OPRM1: variants seen among roughly 807,000 people sequenced by gnomAD.
OPRM1 encodes opioid receptor mu 1, also known as mu-type opioid receptor.
In OPRM1, 27 loss-of-function variants were observed where a neutral mutation model predicts 31.8. The ratio of observed to expected loss-of-function variants is 0.85; its 90% confidence interval spans 0.63 to 1.17. The LOEUF is 1.17. OPRM1 is among the 50% of genes most tolerant of loss of function. The pLI, the probability that OPRM1 is intolerant of heterozygous loss-of-function variation, is 0.00. For missense variants in OPRM1, 536 were observed against 511.1 expected, an observed-to-expected ratio of 1.05 and a Z score of -0.47; for synonymous variants, 196 against 189.9, an observed-to-expected ratio of 1.03 and a Z score of -0.26.
At chr6:154,036,477 A>G (rs577754165), upstream of OPRM1, among the ~76,000 whole-genome samples, 2 of 152,182 alleles carry the variant, frequency 1.3e-5, no homozygotes, top group Non-Finnish European at 2.9e-5. Flanking sequence ...CCTGCTCTAG[A>G]GAGTAATTGC....
At chr6:154,030,602 T>A (rs1004969415) in intron 1 of OPRM1, among the ~76,000 whole-genome samples, 1 of 151,850 alleles carries the variant, frequency 6.6e-6, no homozygotes, top group African/African-American at 2.4e-5. Flanking sequence ...AGCAAATTAA[T>A]TTTTAGTACA....
intron 3 of OPRM1, among the ~76,000 whole-genome samples, chr6:154,152,360 G>GAAAAGA (rs1445954466): frequency 1.4e-5 from 2 of 145,632 alleles, no homozygotes; most frequent in Non-Finnish European, 3.0e-5. Context: ...AAGAAAGAAA[G>GAAAAGA]AAAGAAAGAA....
downstream of OPRM1, among the ~76,000 whole-genome samples, chr6:154,135,484 GATAGATATAGAT>G (rs58196022): frequency 0.043 from 6,198 of 144,408 alleles, 333 homozygotes; most frequent in Admixed American, 0.15. Flanking sequence ...AAAATATATA[GATAGATATAGAT>G]ATAGATATAG....
chr6:154,169,962 T>A (rs1172038585), intron 3 of OPRM1, among the ~76,000 whole-genome samples: 1 of 152,184 alleles, frequency 6.6e-6, no homozygotes, highest in Non-Finnish European at 1.5e-5. Context: ...AATAATGATA[T>A]GGAAGCCAAC....
intron 1 of OPRM1, among the ~76,000 whole-genome samples, chr6:154,041,229 A>G (rs1042260577): frequency 8.6e-4 from 131 of 152,310 alleles, no homozygotes; most frequent in African/African-American, 3.0e-3. Context: ...TCTTTTGATG[A>G]GGAATAAGAT....
rs920735465 is a variant in OPRM1 at position 154,125,266 on chromosome 6, T to C, written c.*6545T>C. Among the ~76,000 whole-genome samples, 2 of 152,244 alleles carry C rather than the reference T, an allele frequency of 1.3e-5. No homozygotes were observed. Among genetic ancestry groups the C allele is most frequent in the African/African-American group, 2.4e-5 (1 of 41,464 alleles). On this transcript the variant is annotated 3_prime_UTR_variant, in exon 4 of 4. Coordinates refer to ENST00000330432, the MANE Select transcript of OPRM1 (RefSeq NM_000914.5). ...AAGGGGCTACTGACAATTTTGATGG[T>C]ACCTGAATTTGCCTCTATCATGCAT...
At chr6:154,078,997 G>A (rs1344014223) in intron 1 of OPRM1, among the ~76,000 whole-genome samples, 3 of 152,200 alleles carry the variant, frequency 2.0e-5, no homozygotes, top group African/African-American at 7.2e-5. Flanking sequence ...GAGAGGAAGA[G>A]AGGAGAGAGG....
chr6:154,059,792 T>C (rs545810335), intron 1 of OPRM1, among the ~76,000 whole-genome samples: 1 of 152,240 alleles, frequency 6.6e-6, no homozygotes, highest in Non-Finnish European at 1.5e-5. Flanking sequence ...ATTTCAGCCC[T>C]TTGTGTCTCA....
intron 1 of OPRM1, chr6:154,083,678 C>T (rs1473639588): frequency 6.6e-6 from 1 of 152,506 alleles, no homozygotes; most frequent in Non-Finnish European, 1.5e-5. Context: ...TGCGATGGCT[C>T]ACGCCTGTAA....
At chr6:154,029,017 G>A (rs1021518393) in intron 1 of OPRM1, among the ~76,000 whole-genome samples, 3 of 152,116 alleles carry the variant, frequency 2.0e-5, no homozygotes, top group Non-Finnish European at 4.4e-5. Flanking sequence ...GACAATTGCT[G>A]GAGCCTTTTA....
chr6:154,073,027 ACTC>A (rs1787128917), intron 1 of OPRM1, among the ~76,000 whole-genome samples: 1 of 152,156 alleles, frequency 6.6e-6, no homozygotes, highest in African/African-American at 2.4e-5. Context: ...TAGCTAAGTC[ACTC>A]CTCCTTTTGA....
chr6:154,119,790 T>A lies in OPRM1; in HGVS notation c.*1069T>A, dbSNP rs920121018. Reference sequence around the variant, plus strand: ...TACAGAAAAGTGTGTCATCTATTTTTCAATCCTGTGTAGTTACTTGGATGT... The same window carrying A: ...TACAGAAAAGTGTGTCATCTATTTTACAATCCTGTGTAGTTACTTGGATGT... On this transcript the variant is annotated 3_prime_UTR_variant, in exon 4 of 4. Coordinates refer to ENST00000330432, the MANE Select transcript of OPRM1 (RefSeq NM_000914.5). 2.6e-5 allele frequency among the ~76,000 whole-genome samples: 4 copies of A among 152,184 alleles called. No homozygotes were observed. The highest frequency in any genetic ancestry group is 5.9e-5 in the Non-Finnish European group (4 of 68,028).
chr6:154,181,394 T>A (rs536355522), intron 3 of OPRM1, among the ~76,000 whole-genome samples: 26 of 152,308 alleles, frequency 1.7e-4, no homozygotes, highest in Non-Finnish European at 3.2e-4. Context: ...TGAGAAGTGT[T>A]AAATTAAAAT....
intron 3 of OPRM1, among the ~76,000 whole-genome samples, chr6:154,186,577 G>A (rs1398732635): frequency 6.6e-6 from 1 of 150,554 alleles, no homozygotes; most frequent in East Asian, 2.0e-4. Flanking sequence ...TTTTTTTTGA[G>A]ACGGAGTCTC....
chr6:154,061,230 C>A (rs1323864684), intron 1 of OPRM1, among the ~76,000 whole-genome samples: 3 of 152,124 alleles, frequency 2.0e-5, no homozygotes, highest in Admixed American at 1.3e-4. Flanking sequence ...TAAATACTTT[C>A]ACAGACACTC....
chr6:154,107,285 C>G (rs1795714952), intron 3 of OPRM1, among the ~76,000 whole-genome samples: 1 of 152,222 alleles, frequency 6.6e-6, no homozygotes, highest in Admixed American at 6.5e-5. Context: ...AACCATAGCA[C>G]TCTTTAATAA....
chr6:154,059,460 C>T (rs948817539), intron 1 of OPRM1, among the ~76,000 whole-genome samples: 5 of 152,160 alleles, frequency 3.3e-5, no homozygotes, highest in Non-Finnish European at 7.4e-5. Flanking sequence ...GGTCAAGAGA[C>T]AGCCACTCTG....
intron 1 of OPRM1, among the ~76,000 whole-genome samples, chr6:154,032,731 C>T (rs1340161890): frequency 6.6e-6 from 1 of 152,204 alleles, no homozygotes; most frequent in East Asian, 1.9e-4. Flanking sequence ...CTCACCCAGT[C>T]CAGAGTTCAC....
At chr6:154,229,525 AT>A (rs369132657) in intron 3 of OPRM1, among the ~76,000 whole-genome samples, 2,683 of 140,686 alleles carry the variant, frequency 0.019, 49 homozygotes, top group African/African-American at 0.054. Flanking sequence ...CATTTTTTGT[AT>A]TTTTTTTTTT....
Sources: gnomAD v4.1 joint callset for allele counts (sites outside exome capture counted in the v4.1 genomes callset) on GRCh38, gnomAD v4.1.1 for gene constraint, MANE v1.5 for transcripts, NCBI Gene and HGNC (gene_info 2026-07-23, HGNC 2026-07-21) for gene names.